The following PCSK5 variants were observed in gnomAD, a reference collection of about 807,000 sequenced individuals.
The protein encoded by PCSK5 is proprotein convertase subtilisin/kexin type 5, also known as prohormone convertase 5.
In PCSK5, 129 loss-of-function variants were observed where a neutral mutation model predicts 233.2. That is an observed-to-expected ratio of 0.55 (90% CI 0.48 to 0.64). The LOEUF (loss-of-function observed/expected upper bound fraction) is 0.64, where lower values mean the gene tolerates loss of function less well. Among genes scored for constraint, PCSK5 ranks in the 30% least tolerant of loss-of-function variants. The pLI, the probability that PCSK5 is intolerant of heterozygous loss-of-function variation, is 0.00. For synonymous variants in PCSK5, 825 were observed against 879.2 expected (o/e 0.94, Z 1.09); for missense variants, 2,076 against 2,430.1 (o/e 0.85, Z 3.06).
chr9:76,267,996 T>C (rs1249767478), intron 24 of PCSK5, among the ~76,000 whole-genome samples: 9 of 152,034 alleles, frequency 5.9e-5, no homozygotes, highest in Non-Finnish European at 1.3e-4. Context: ...TTTGTGGGTC[T>C]GCCTTCCTTC....
At chr9:75,973,570 G>T (rs1022281368) in intron 2 of PCSK5, among the ~76,000 whole-genome samples, 3 of 152,148 alleles carry the variant, frequency 2.0e-5, no homozygotes, top group African/African-American at 7.2e-5. Context: ...TTGGAGACCC[G>T]ACCTTGGCCT....
chr9:76,308,385 CCACATTCCTTGTGGTACCA>C (rs1388712429), intron 28 of PCSK5, among the ~76,000 whole-genome samples: 4 of 152,318 alleles, frequency 2.6e-5, no homozygotes, highest in African/African-American at 7.2e-5. Context: ...TTGTAGAATA[CCACATTCCTTGTGGTACCA>C]CACATTCGTG....
chr9:76,048,901 T>C (rs755514516), intron 5 of PCSK5, among the ~76,000 whole-genome samples: 36 of 152,184 alleles, frequency 2.4e-4, no homozygotes, highest in South Asian at 2.1e-4. Flanking sequence ...TCAGTGTCAA[T>C]ATAAAATCAT....
rs2842480 is a variant in PCSK5 at position 76,295,325 on chromosome 9, A to C, written c.3236A>C (p.Glu1079Ala). 0.23 allele frequency: 366,719 copies of C among 1,608,036 alleles called. 44,151 individuals are homozygous for C. The highest frequency in any genetic ancestry group is 0.38 in the African/African-American group (28,313 of 74,820). ...KTCPEKTYSE[E>A]VECKACDSNC... ...TGTCCTGAGAAGACCTACAGTGAGG[A>C]AGTGGAATGCAAGGCGTGTGATAGT... The change falls in exon 26 of 38, where the codon GAA (glutamate) becomes GCA (alanine). Residue 1079 changes from glutamate to alanine, a missense_variant. By Grantham distance (107) the Glu-to-Ala change is moderately radical. Coordinates refer to ENST00000674117, the MANE Select transcript of PCSK5 (RefSeq NM_001372043.1).
chr9:75,960,394 A>C (rs1825295854), intron 2 of PCSK5, among the ~76,000 whole-genome samples: 1 of 152,176 alleles, frequency 6.6e-6, no homozygotes, highest in Non-Finnish European at 1.5e-5. Flanking sequence ...GAGAAATCCA[A>C]AACTCTGTGG....
rs757550088 is a variant in PCSK5, at chr9:76,040,325, G to GTCTC, written c.632+13344_632+13347dup. Among the ~76,000 whole-genome samples, 179 of 79,006 alleles carry GTCTC rather than the reference G, an allele frequency of 2.3e-3. 2 individuals carry two copies. Among genetic ancestry groups the GTCTC allele is most frequent in the East Asian group, 3.7e-3 (8 of 2,174 alleles). 51.8% of individuals were successfully genotyped at this position (79,006 alleles called of 152,430 possible). A position where few individuals can be genotyped will look rare whatever the true frequency, so the allele number is the denominator to read the frequency against. On this transcript the variant is annotated intron_variant, in intron 5 of 37. Coordinates refer to ENST00000674117, the MANE Select transcript of PCSK5 (RefSeq NM_001372043.1). ...TCTCACTCCCTTAGATGTGTTCTCT[G>GTCTC]TCTCTCTCTCTCTCTCTCTCTCTCT...
intron 25 of PCSK5, among the ~76,000 whole-genome samples, chr9:76,294,503 G>A (rs1587843529): frequency 6.6e-6 from 1 of 152,252 alleles, no homozygotes; most frequent in East Asian, 1.9e-4. Flanking sequence ...AGTGCCAGTT[G>A]CTATGTGATA....
chr9:76,097,259 T>TTTTTTTTTTA (rs1831568691), intron 8 of PCSK5, among the ~76,000 whole-genome samples: 2 of 124,500 alleles, frequency 1.6e-5, no homozygotes, highest in Non-Finnish European at 1.6e-5. Flanking sequence ...TTTTTTTTTT[T>TTTTTTTTTTA]TTTTTTTTTT....
intron 22 of PCSK5, among the ~76,000 whole-genome samples, chr9:76,234,397 C>G (rs1225196773): frequency 6.6e-6 from 1 of 152,166 alleles, no homozygotes; most frequent in Non-Finnish European, 1.5e-5. Context: ...TCCCAGTTGT[C>G]TCACTGATCC....
intron 20 of PCSK5, among the ~76,000 whole-genome samples, chr9:76,199,842 C>T (rs901562825): frequency 1.3e-5 from 2 of 152,120 alleles, no homozygotes; most frequent in African/African-American, 2.4e-5. Context: ...AACTACTTGA[C>T]ATTTCCCTTC....
chr9:76,071,896 A>G lies in PCSK5; in HGVS notation c.892A>G (p.Met298Val). ...TRQAFENGVR[M>V]GRRGLGSVFV... ...GCAAGCCTTTGAAAACGGCGTTAGA[A>G]TGGTAGGTTTTAAAAGCATGGAGGC... Residue 298 changes from methionine (M) to valine (V), a missense_variant and splice_region_variant, in exon 7 of 38, where the codon ATG becomes GTG. Coordinates refer to ENST00000674117, the MANE Select transcript of PCSK5 (RefSeq NM_001372043.1). 2 of 1,613,808 alleles carry G rather than the reference A, an allele frequency of 1.2e-6. No individual in the cohort carries two copies. Among genetic ancestry groups the G allele is most frequent in the South Asian group, 1.1e-5 (1 of 91,040 alleles).
At chr9:76,044,605 C>G (rs546040253) in intron 5 of PCSK5, among the ~76,000 whole-genome samples, 1 of 152,148 alleles carries the variant, frequency 6.6e-6, no homozygotes, top group Admixed American at 6.5e-5. Flanking sequence ...GAATGCTGTA[C>G]GCAGTGCAAC....
At chr9:76,153,865 C>T (rs1317573826) in intron 10 of PCSK5, among the ~76,000 whole-genome samples, 1 of 152,146 alleles carries the variant, frequency 6.6e-6, no homozygotes, top group Admixed American at 6.5e-5. Context: ...TTTCACAGCC[C>T]CTGGAGAGAA....
chr9:76,165,669 T>G (rs987943155), intron 12 of PCSK5, among the ~76,000 whole-genome samples: 3 of 152,242 alleles, frequency 2.0e-5, no homozygotes, highest in Non-Finnish European at 2.9e-5. Flanking sequence ...CACGTGATTA[T>G]GAAGTCAACT....
chr9:76,047,260 C>T (rs1180442181), intron 5 of PCSK5, among the ~76,000 whole-genome samples: 2 of 152,016 alleles, frequency 1.3e-5, no homozygotes, highest in Non-Finnish European at 2.9e-5. Context: ...CCATGCCCAG[C>T]TAACTTTTTG....
intron 34 of PCSK5, among the ~76,000 whole-genome samples, chr9:76,337,035 C>T (rs972402802): frequency 6.6e-6 from 1 of 151,498 alleles, no homozygotes; most frequent in Non-Finnish European, 1.5e-5. Context: ...TCATATTTAA[C>T]TTCCAAAAAT....
At chr9:76,217,555 T>C (rs1178259244) in intron 20 of PCSK5, among the ~76,000 whole-genome samples, 1 of 152,230 alleles carries the variant, frequency 6.6e-6, no homozygotes, top group Non-Finnish European at 1.5e-5. Context: ...TGCCCAAGGT[T>C]ACACATGTAG....
chr9:76,355,569 A>T (rs1016546765), intron 37 of PCSK5, among the ~76,000 whole-genome samples: 16 of 152,252 alleles, frequency 1.1e-4, no homozygotes, highest in African/African-American at 3.6e-4. Context: ...CAGAAGTGAC[A>T]TTCACTGACA....
intron 3 of PCSK5, among the ~76,000 whole-genome samples, chr9:76,017,808 TG>T (rs1390132485): frequency 1.3e-5 from 2 of 152,148 alleles, no homozygotes; most frequent in Non-Finnish European, 2.9e-5. Context: ...CATTAAGTAT[TG>T]TAATAAACAT....
Sources: allele counts gnomAD v4.1 joint callset (sites outside exome capture counted in the v4.1 genomes callset), GRCh38; gene constraint gnomAD v4.1.1; transcripts MANE v1.5; gene names NCBI Gene and HGNC (gene_info 2026-07-23, HGNC 2026-07-21).